The following AMZ1 variants were observed in gnomAD, a reference collection of about 807,000 sequenced individuals.
AMZ1 encodes archaelysin family metallopeptidase 1.
AMZ1 carries 39 observed loss-of-function variants against 29.9 expected under a neutral mutation model. The observed-to-expected ratio is 1.30, with a 90% CI of 1.01 to 1.70. The LOEUF is 1.70. Among genes scored for constraint, AMZ1 ranks in the 40% most tolerant of loss-of-function variants. The pLI, the probability that AMZ1 is intolerant of heterozygous loss-of-function variation, is 0.00. For synonymous variants in AMZ1, 458 were observed against 304.0 expected (o/e 1.51, Z -5.27); for missense variants, 1,041 against 680.6 (o/e 1.53, Z -5.89).
At chr7:2,683,189 CAA>C (rs1480743909) in intron 1 of AMZ1, among the ~76,000 whole-genome samples, 2 of 152,216 alleles carry the variant, frequency 1.3e-5, no homozygotes, top group African/African-American at 2.4e-5. Flanking sequence ...GCTGCCGTGA[CAA>C]ATGACCACAG....
Position 2,702,837 on chromosome 7 carries a change from C to T in AMZ1, c.420C>T (p.Ile140=). 1 of 1,578,826 alleles carries T rather than the reference C, an allele frequency of 6.3e-7. No homozygotes were observed. The highest frequency in any genetic ancestry group is 8.6e-7 in the Non-Finnish European group (1 of 1,167,936). ...TGCCGTCGGTGGCAGCCGCGTCCAT[C>T]CGCTGCTCCTCGCGGCCCAGCCGGG... ...KCLPSVAAAS[I]RCSSRPSRDS... Residue 140 remains isoleucine, a synonymous_variant, in exon 3 of 7, where the codon ATC becomes ATT. Coordinates refer to ENST00000683327, the MANE Select transcript of AMZ1 (RefSeq NM_001384743.1).
chr7:2,711,772 C>T (rs187231363), intron 6 of AMZ1, among the ~76,000 whole-genome samples: 21 of 152,104 alleles, frequency 1.4e-4, no homozygotes, highest in Middle Eastern at 3.4e-3. Flanking sequence ...GGGTGGGTGC[C>T]GTGGCTCACA....
chr7:2,734,263 C>T (rs148619256), intron 4 of AMZ1, among the ~76,000 whole-genome samples: 1 of 152,338 alleles, frequency 6.6e-6, no homozygotes, highest in Non-Finnish European at 1.5e-5. Context: ...GACCACAGAG[C>T]AGCCCGCATA....
At chr7:2,760,178 C>T (rs1240716728), upstream of AMZ1, among the ~76,000 whole-genome samples, 3 of 152,228 alleles carry the variant, frequency 2.0e-5, no homozygotes, top group Non-Finnish European at 4.4e-5. Flanking sequence ...CCGCCTCTGC[C>T]TGGGGAAGGA....
Position 2,702,745 on chromosome 7 carries a change from A to T in AMZ1, c.328A>T (p.Ser110Cys), listed in dbSNP as rs1347181347. 2 of 1,538,028 alleles carry T rather than the reference A, an allele frequency of 1.3e-6. No homozygotes were observed. Among genetic ancestry groups the T allele is most frequent in the Non-Finnish European group, 1.7e-6 (2 of 1,144,294 alleles). The change falls in exon 3 of 7, where the codon AGC (serine) becomes TGC (cysteine). Residue 110 changes from serine (S) to cysteine (C), a missense_variant. Ser to Cys is a moderately radical substitution (Grantham distance 112, BLOSUM62 -1). Coordinates refer to ENST00000683327, the MANE Select transcript of AMZ1 (RefSeq NM_001384743.1). ...AGACCTGAGCGAGGAGCCGGTGGGA[A>T]GCTCCCTGCTGCACCAGCTGTGCAG... ...PIDLSEEPVGSSLLHQLCSCT... is the reference protein window; with the variant it reads ...PIDLSEEPVGCSLLHQLCSCT...
intron 4 of AMZ1, among the ~76,000 whole-genome samples, chr7:2,750,599 G>T (rs920674057): frequency 6.6e-6 from 1 of 152,198 alleles, no homozygotes; most frequent in African/African-American, 2.4e-5. Flanking sequence ...ATGTGAATGT[G>T]GTCTCTCAAA....
intron 4 of AMZ1, among the ~76,000 whole-genome samples, chr7:2,732,583 A>C (rs1398691439): frequency 1.3e-5 from 2 of 152,034 alleles, no homozygotes; most frequent in Admixed American, 1.3e-4. Context: ...AAAACCAACA[A>C]AACACCTCCC....
chr7:2,682,990 G>A (rs545891576), intron 1 of AMZ1, among the ~76,000 whole-genome samples: 2 of 152,308 alleles, frequency 1.3e-5, no homozygotes, highest in Admixed American at 6.5e-5. Context: ...CTGCACCCTC[G>A]CCTGCTGGCC....
intron 1 of AMZ1, among the ~76,000 whole-genome samples, chr7:2,682,256 G>A (rs1344536834): frequency 7.0e-6 from 1 of 142,546 alleles, no homozygotes; most frequent in Admixed American, 7.0e-5. Context: ...CTCCCCTCAG[G>A]CCTGAGAGGG....
chr7:2,737,269 G>T (rs1724917), intron 4 of AMZ1, among the ~76,000 whole-genome samples: 439 of 37,932 alleles, frequency 0.012, 26 homozygotes, highest in East Asian at 0.023. Flanking sequence ...TCACAGTTTT[G>T]TTTTGTTTTT....
rs748232419 is a variant in AMZ1 at position 2,731,168 on chromosome 7, G to A, written n.550+21352G>A. On this transcript the variant is annotated intron_variant and non_coding_transcript_variant, in intron 4 of 4. Transcript: ENST00000489665. This position sits in a 1 kb window ranked among gnomAD's most constrained non-coding sequence, Gnocchi z 6.0. Reference sequence around the variant, plus strand: ...GGGCTGCTCAACGACGACAAACCCCGGGGCTTCCTCGCTCACTGCAGCATG... The same window carrying A: ...GGGCTGCTCAACGACGACAAACCCCAGGGCTTCCTCGCTCACTGCAGCATG... 33 of 1,583,514 alleles carry A rather than the reference G, an allele frequency of 2.1e-5. No individual in the cohort carries two copies. The highest frequency in any genetic ancestry group is 1.1e-4 in the African/African-American group (8 of 74,470).
chr7:2,757,189 G>A (rs1321061193), intron 4 of AMZ1, among the ~76,000 whole-genome samples: 1 of 142,734 alleles, frequency 7.0e-6, no homozygotes, highest in East Asian at 2.1e-4. Flanking sequence ...AGGCTGGAGT[G>A]TAGTGGCACG....
chr7:2,703,041 C>T (rs1472392396), intron 3 of AMZ1, 152 bp downstream of exon 3: 8 of 1,118,234 alleles, frequency 7.2e-6, no homozygotes, highest in Non-Finnish European at 9.8e-6. Flanking sequence ...CAGGACCAAG[C>T]CGGAGAGCTC....
Position 2,731,265 on chromosome 7 carries a change from G to A in AMZ1, n.550+21449G>A, listed in dbSNP as rs34711743. 4.3e-4 allele frequency: 699 copies of A among 1,613,500 alleles called. 10 individuals are homozygous for A. The East Asian group carries it at 0.015, about 34-fold the overall frequency. The stretch of plus-strand genomic sequence containing the variant: ...ACACGAAGCGGACGTTCTCGGTGTC[G>A]ATGGCGGTGGTGAAGTGGTGGAAGA... On this transcript the variant is annotated intron_variant and non_coding_transcript_variant, in intron 4 of 4. Transcript: ENST00000489665. This position sits in a 1 kb window ranked among gnomAD's most constrained non-coding sequence, Gnocchi z 6.0.
intron 4 of AMZ1, chr7:2,729,614 G>A (rs796379701): frequency 3.2e-4 from 49 of 152,430 alleles, no homozygotes; most frequent in Admixed American, 8.5e-4. Context: ...CGTTTACCGG[G>A]TTTGCGGAAA....
rs191995581 is a variant in AMZ1 at position 2,697,258 on chromosome 7, G to A, written c.-218-2976G>A. Among the ~76,000 whole-genome samples, 209 of 152,124 alleles carry A rather than the reference G, an allele frequency of 1.4e-3. 3 individuals carry two copies. Among genetic ancestry groups the A allele is most frequent in the Admixed American group, 0.011 (163 of 15,268 alleles). Reference sequence around the variant, plus strand: ...ATTACAGGCACGTGTCACCACGCCCGGCTAATTTTTGTATTTTTAGTAGAG... The same window carrying A: ...ATTACAGGCACGTGTCACCACGCCCAGCTAATTTTTGTATTTTTAGTAGAG... On this transcript the variant is annotated intron_variant, in intron 1 of 6. Transcript: ENST00000683327.
intron 1 of AMZ1, among the ~76,000 whole-genome samples, chr7:2,696,952 A>G (rs975794939): frequency 6.6e-6 from 1 of 152,192 alleles, no homozygotes; most frequent in African/African-American, 2.4e-5. Context: ...ATCTTTCTGC[A>G]AAGCAATTTG....
chr7:2,692,121 C>A (rs575845263), intron 1 of AMZ1, among the ~76,000 whole-genome samples: 2 of 152,202 alleles, frequency 1.3e-5, no homozygotes, highest in African/African-American at 2.4e-5. Flanking sequence ...TGGTGAGTCT[C>A]CTGTGGCGTC....
chr7:2,704,460 G>C (rs1229398034), intron 3 of AMZ1, among the ~76,000 whole-genome samples: 1 of 146,010 alleles, frequency 6.8e-6, no homozygotes. Flanking sequence ...TCTATCCTGG[G>C]TGACAGAACA....
Sources: gnomAD v4.1 joint callset for allele counts (sites outside exome capture counted in the v4.1 genomes callset) on GRCh38, gnomAD v4.1.1 for gene constraint, Gnocchi (gnomAD v3.1) non-coding constraint, MANE v1.5 for transcripts, NCBI Gene and HGNC (gene_info 2026-07-23, HGNC 2026-07-21) for gene names.